The following TMEM232 variants were observed in gnomAD, a reference collection of about 807,000 sequenced individuals.
TMEM232 encodes transmembrane protein 232.
A neutral mutation model predicts 78.8 loss-of-function variants in TMEM232; 80 were observed. The observed-to-expected ratio is 1.01, with a 90% CI of 0.85 to 1.22. The LOEUF is 1.22. Ranked by LOEUF, TMEM232 falls within the 50% of genes most tolerant of loss-of-function variation. The probability of loss-of-function intolerance (pLI) is 0.00; values close to 1 mark genes in which losing one functional copy is unlikely to be tolerated. For synonymous variants in TMEM232, 297 were observed against 254.3 expected (o/e 1.17, Z -1.60); for missense variants, 881 against 742.2 (o/e 1.19, Z -2.17).
chr5:110,471,501 C>G (rs534530690), intron 12 of TMEM232, among the ~76,000 whole-genome samples: 1 of 151,570 alleles, frequency 6.6e-6, no homozygotes, highest in Admixed American at 6.6e-5. Context: ...ATTTTAAAGA[C>G]AGCAAGAAAA....
chr5:110,658,139 C>T (rs1789336014), intron 2 of TMEM232, among the ~76,000 whole-genome samples: 1 of 152,044 alleles, frequency 6.6e-6, no homozygotes, highest in Non-Finnish European at 1.5e-5. Context: ...GAATACCTCC[C>T]TTGAATTTGT....
chr5:110,495,982 ATTATTATTACTTT>A (rs1240015914), intron 12 of TMEM232, among the ~76,000 whole-genome samples: 1 of 151,758 alleles, frequency 6.6e-6, no homozygotes, highest in East Asian at 1.9e-4. Flanking sequence ...CAGAGGCATT[ATTATTATTACTTT>A]TTGCATTATT....
chr5:110,482,581 C>CA (rs1485530446), intron 12 of TMEM232, among the ~76,000 whole-genome samples: 2 of 143,150 alleles, frequency 1.4e-5, no homozygotes, highest in Non-Finnish European at 3.0e-5. Context: ...AACTCCATCT[C>CA]AAAAAAAATT....
Position 110,610,673 on chromosome 5 carries a change from G to A in TMEM232, c.903-4386C>T, listed in dbSNP as rs982334847. On this transcript the variant is annotated intron_variant, in intron 8 of 13. Coordinates refer to ENST00000455884, the MANE Select transcript of TMEM232 (RefSeq NM_001039763.4). ...ACAAAGATGTTCCTAAAAAATTCTG[G>A]ACTGAAAATTAAACATATAAAAACA... 36 of 397,836 alleles carry A rather than the reference G, an allele frequency of 9.0e-5. 1 individual carries two copies. The highest frequency in any genetic ancestry group is 4.9e-6 in the Non-Finnish European group (1 of 203,788). 24.6% of individuals were successfully genotyped at this position (397,836 alleles called of 1,614,324 possible). A position where few individuals can be genotyped will look rare whatever the true frequency, so the allele number is the denominator to read the frequency against.
intron 12 of TMEM232, among the ~76,000 whole-genome samples, chr5:110,475,690 G>A (rs1396583608): frequency 2.0e-5 from 3 of 151,804 alleles, no homozygotes; most frequent in Non-Finnish European, 2.9e-5. Context: ...TTGCAAGGTA[G>A]TAGAGAGTTC....
chr5:110,620,200 AT>A (rs2149900970), intron 7 of TMEM232, among the ~76,000 whole-genome samples: 1 of 152,300 alleles, frequency 6.6e-6, no homozygotes, highest in African/African-American at 2.4e-5. Flanking sequence ...AATAAAAAGC[AT>A]CCTCTCATGT....
chr5:110,643,753 C>T (rs1787075748), intron 2 of TMEM232, among the ~76,000 whole-genome samples: 1 of 151,754 alleles, frequency 6.6e-6, no homozygotes, highest in African/African-American at 2.4e-5. Flanking sequence ...AGATTTTGTC[C>T]CTGAGTAATT....
At chr5:110,591,447 T>C (rs561380038) in intron 10 of TMEM232, among the ~76,000 whole-genome samples, 73 of 152,280 alleles carry the variant, frequency 4.8e-4, no homozygotes, top group African/African-American at 1.7e-3. Flanking sequence ...CCTCCAGATA[T>C]ATAATGTATA....
At chr5:110,388,305 C>T (rs1755056620) in intron 4 of TMEM232, among the ~76,000 whole-genome samples, 1 of 152,074 alleles carries the variant, frequency 6.6e-6, no homozygotes, top group Non-Finnish European at 1.5e-5. Flanking sequence ...CTTGTCTGTG[C>T]CTTACTGTGC....
chr5:110,637,942 A>G (rs1786103174), intron 5 of TMEM232, among the ~76,000 whole-genome samples: 2 of 151,976 alleles, frequency 1.3e-5, no homozygotes, highest in African/African-American at 4.8e-5. Flanking sequence ...GAAACAGTTA[A>G]GTAGAAGTAT....
intron 12 of TMEM232, among the ~76,000 whole-genome samples, chr5:110,440,371 G>A (rs886958506): frequency 6.6e-6 from 1 of 152,028 alleles, no homozygotes; most frequent in African/African-American, 2.4e-5. Flanking sequence ...CTTTCTGTAC[G>A]CCACTATGTT....
intron 1 of TMEM232, among the ~76,000 whole-genome samples, chr5:110,698,791 C>A (rs1481467263): frequency 6.6e-6 from 1 of 152,108 alleles, no homozygotes; most frequent in Non-Finnish European, 1.5e-5. Flanking sequence ...AAAGTAAGGT[C>A]AACCAAGCAT....
At chr5:110,679,302 T>C (rs1792419270) in intron 1 of TMEM232, among the ~76,000 whole-genome samples, 1 of 152,208 alleles carries the variant, frequency 6.6e-6, no homozygotes, top group Non-Finnish European at 1.5e-5. Context: ...TTTTCACATG[T>C]TTATTTGCCA....
chr5:110,571,930 A>C (rs1312223448), intron 10 of TMEM232, among the ~76,000 whole-genome samples: 1 of 152,020 alleles, frequency 6.6e-6, no homozygotes, highest in Admixed American at 6.6e-5. Flanking sequence ...ATGTTTATTC[A>C]AGCAATAAAC....
chr5:110,693,794 T>C (rs1010925409), intron 1 of TMEM232, among the ~76,000 whole-genome samples: 1 of 151,990 alleles, frequency 6.6e-6, no homozygotes, highest in African/African-American at 2.4e-5. Context: ...CCAAGAAATA[T>C]GGGACTATGT....
intron 3 of TMEM232, among the ~76,000 whole-genome samples, chr5:110,391,326 T>TGTGTGTGTGTGTGAGAGAGAGAGAGA (rs549361387): frequency 3.6e-5 from 5 of 139,812 alleles, no homozygotes; most frequent in African/African-American, 1.5e-4. Flanking sequence ...TGTGTGTGTG[T>TGTGTGTGTGTGTGAGAGAGAGAGAGA]GAGAGAGAGA....
chr5:110,628,895 G>C (rs1784767574), intron 5 of TMEM232: 1 of 151,958 alleles, frequency 6.6e-6, no homozygotes, highest in Non-Finnish European at 1.5e-5. Context: ...TTCTACTATG[G>C]CAGTGATTTC....
At position 110,674,923 on chromosome 5, in the gene TMEM232, AAGGT is replaced by A. The variant is rs558088359; in HGVS notation, c.-12-7563_-12-7560del. ...GCAATTTGGACATATTAGTGACAGA[AAGGT>A]AGAACTGTTGGATTAGCACCATTAT... On this transcript the variant is annotated intron_variant, in intron 1 of 13. Coordinates refer to ENST00000455884, the MANE Select transcript of TMEM232 (RefSeq NM_001039763.4). Among the ~76,000 whole-genome samples, 123 of 152,356 alleles carry A rather than the reference AAGGT, an allele frequency of 8.1e-4. 1 individual carries two copies. Among genetic ancestry groups the A allele is most frequent in the African/African-American group, 2.9e-3 (120 of 41,594 alleles).
intron 1 of TMEM232, among the ~76,000 whole-genome samples, chr5:110,724,055 T>C (rs1007057404): frequency 1.3e-5 from 2 of 152,152 alleles, no homozygotes; most frequent in African/African-American, 4.8e-5. Flanking sequence ...TTATATTCCA[T>C]CAAATACAAT....
Sources: gnomAD v4.1 joint callset for allele counts (sites outside exome capture counted in the v4.1 genomes callset) on GRCh38, gnomAD v4.1.1 for gene constraint, MANE v1.5 for transcripts, NCBI Gene and HGNC (gene_info 2026-07-23, HGNC 2026-07-21) for gene names.